Variants in ALG14 observed in about 807,000 individuals in gnomAD.
ALG14 encodes ALG14 UDP-N-acetylglucosaminyltransferase subunit.
Under a neutral mutation model 22.8 loss-of-function variants are expected in ALG14, and 17 were observed. That is an observed-to-expected ratio of 0.75 (90% CI 0.51 to 1.12). ALG14 has a LOEUF of 1.12. Ranked by LOEUF, ALG14 falls within the 50% of genes most tolerant of loss-of-function variation. ALG14 has a pLI of 0.00. For missense variants in ALG14, 288 were observed against 271.8 expected (o/e 1.06, Z -0.42); for synonymous variants, 89 against 103.7 (o/e 0.86, Z 0.86).
Position 94,980,047 on chromosome 1 carries a change from T to C in ALG14, c.*3029A>G, listed in dbSNP as rs144734151. The C allele has an allele frequency of 1.0e-5, 1 of 96,742 alleles. No individual in the cohort carries two copies. The highest frequency in any genetic ancestry group is 4.7e-4 in the East Asian group (1 of 2,146). 6.0% of individuals were successfully genotyped at this position (96,742 alleles called of 1,614,324 possible). ...TTGCTATCAAATGCCTTTTGGGGGATGGGGCTTTTCAGAAAAAAAAAAAAG... is the reference window on the plus strand; with the variant it reads ...TTGCTATCAAATGCCTTTTGGGGGACGGGGCTTTTCAGAAAAAAAAAAAAG... On this transcript the variant is annotated 3_prime_UTR_variant, in exon 4 of 4. Coordinates refer to ENST00000370205, the MANE Select transcript of ALG14 (RefSeq NM_144988.4).
intron 2 of ALG14, among the ~76,000 whole-genome samples, chr1:95,057,659 T>C (rs1051981893): frequency 2.0e-5 from 3 of 149,888 alleles, no homozygotes; most frequent in African/African-American, 7.3e-5. Flanking sequence ...TGTAGATATA[T>C]ACATATGACC....
intron 3 of ALG14, among the ~76,000 whole-genome samples, chr1:95,006,899 T>A (rs1673235106): frequency 6.6e-6 from 1 of 152,270 alleles, no homozygotes; most frequent in Non-Finnish European, 1.5e-5. Context: ...GGTTTCATAT[T>A]TCCTCACCAT....
chr1:95,060,498 C>T (rs191554366), intron 2 of ALG14, among the ~76,000 whole-genome samples: 12 of 151,628 alleles, frequency 7.9e-5, no homozygotes, highest in Admixed American at 4.6e-4. Context: ...GGGCAGATCA[C>T]GAGGTCAGGA....
At chr1:94,991,669 TACACTTAGCCC>T (rs1413829744) in intron 3 of ALG14, among the ~76,000 whole-genome samples, 1 of 152,158 alleles carries the variant, frequency 6.6e-6, no homozygotes, top group Non-Finnish European at 1.5e-5. Context: ...ATGAACACTG[TACACTTAGCCC>T]ACACTAAGTT....
intron 2 of ALG14, among the ~76,000 whole-genome samples, chr1:95,052,850 G>A (rs1161626952): frequency 2.5e-5 from 3 of 121,544 alleles, no homozygotes; most frequent in Non-Finnish European, 3.4e-5. Context: ...GAGCAAGACT[G>A]CATCTCGAAA....
intron 2 of ALG14, among the ~76,000 whole-genome samples, chr1:95,034,214 C>T (rs543374925): frequency 2.0e-5 from 3 of 152,326 alleles, no homozygotes; most frequent in African/African-American, 7.2e-5. Flanking sequence ...CAGTTCTTCT[C>T]CAAATATGTG....
intron 3 of ALG14, among the ~76,000 whole-genome samples, chr1:94,986,120 G>T (rs558729627): frequency 6.6e-6 from 1 of 152,156 alleles, no homozygotes; most frequent in African/African-American, 2.4e-5. Flanking sequence ...TATAATGATT[G>T]GAACTGTCTT....
At chr1:95,068,565 C>T (rs1338179650) in intron 1 of ALG14, among the ~76,000 whole-genome samples, 1 of 152,208 alleles carries the variant, frequency 6.6e-6, no homozygotes, top group Non-Finnish European at 1.5e-5. Flanking sequence ...GCTGGGATTA[C>T]AAGCGTGAGC....
At chr1:95,053,156 TA>T (rs1306041089) in intron 2 of ALG14, among the ~76,000 whole-genome samples, 3 of 152,002 alleles carry the variant, frequency 2.0e-5, no homozygotes, top group Admixed American at 1.3e-4. Context: ...AAAAGACACA[TA>T]AAAAATGCAA....
At chr1:95,040,638 A>T (rs1571640854) in intron 2 of ALG14, among the ~76,000 whole-genome samples, 1 of 152,342 alleles carries the variant, frequency 6.6e-6, no homozygotes, top group African/African-American at 2.4e-5. Context: ...AAAACAGGCC[A>T]TGTCCTGATT....
rs183473380 is a variant in ALG14, at chr1:95,025,185, C to T, written c.420+1944G>A. On this transcript the variant is annotated intron_variant, in intron 3 of 3. Transcript: ENST00000370205. ...ATCAGAGCTCTTGGGTAATTAGGTG[C>T]ATTGTCAATGAGCAGTATATTTTGT... is the stretch of plus-strand genomic sequence containing the variant. 2.2e-4 allele frequency among the ~76,000 whole-genome samples: 34 copies of T among 152,262 alleles called. 1 individual carries two copies. Among genetic ancestry groups the T allele is most frequent in the Middle Eastern group, 3.4e-3 (1 of 294 alleles).
At chr1:95,035,249 A>G (rs577380018) in intron 2 of ALG14, among the ~76,000 whole-genome samples, 10 of 151,960 alleles carry the variant, frequency 6.6e-5, no homozygotes, top group Non-Finnish European at 1.5e-4. Context: ...TTGTAGTTCA[A>G]TGTGTATATC....
At chr1:95,028,051 G>A (rs915267444) in intron 2 of ALG14, among the ~76,000 whole-genome samples, 2 of 152,192 alleles carry the variant, frequency 1.3e-5, no homozygotes, top group African/African-American at 4.8e-5. Context: ...CCCAAGACAC[G>A]TTAAGTGAAT....
At chr1:94,997,912 T>G (rs971961082) in intron 3 of ALG14, among the ~76,000 whole-genome samples, 4 of 152,166 alleles carry the variant, frequency 2.6e-5, no homozygotes, top group African/African-American at 9.7e-5. Flanking sequence ...TGCATTACAG[T>G]CTTCTCTCCT....
At chr1:95,066,300 T>C (rs946889754) in intron 1 of ALG14, among the ~76,000 whole-genome samples, 4 of 150,562 alleles carry the variant, frequency 2.7e-5, no homozygotes, top group African/African-American at 7.4e-5. Flanking sequence ...CTCGGCTCAT[T>C]GCAACCTCCA....
At chr1:95,062,269 C>CA (rs1162405302) in intron 2 of ALG14, 1 of 152,120 alleles carries the variant, frequency 6.6e-6, no homozygotes, top group Non-Finnish European at 1.5e-5. Flanking sequence ...AAAAAATATG[C>CA]AAAAAATTAA....
At chr1:95,000,829 T>TGAAG (rs1673046407) in intron 3 of ALG14, among the ~76,000 whole-genome samples, 1 of 143,780 alleles carries the variant, frequency 7.0e-6, no homozygotes, top group Non-Finnish European at 1.5e-5. Flanking sequence ...ATCACCAAAT[T>TGAAG]GAAGGTTCAG....
At position 94,977,921 on chromosome 1, in the gene ALG14, G is replaced by C. The variant is rs1672426288; in HGVS notation, c.*5155C>G. 6.6e-6 allele frequency: 1 copy of C among 152,178 alleles called. No homozygotes were observed. The highest frequency in any genetic ancestry group is 2.4e-5 in the African/African-American group (1 of 41,420). 9.4% of individuals were successfully genotyped at this position (152,178 alleles called of 1,614,324 possible). On this transcript the variant is annotated 3_prime_UTR_variant, in exon 4 of 4. Coordinates refer to ENST00000370205, the MANE Select transcript of ALG14 (RefSeq NM_144988.4). Reference sequence around the variant, plus strand: ...CCACCTCGGCCTCCCAAAGTGCTGGGATTACAAGTGTGAAACACTGTGCCC... The same window carrying C: ...CCACCTCGGCCTCCCAAAGTGCTGGCATTACAAGTGTGAAACACTGTGCCC...
chr1:95,059,686 A>G (rs1167048521), intron 2 of ALG14, among the ~76,000 whole-genome samples: 1 of 152,006 alleles, frequency 6.6e-6, no homozygotes, highest in Non-Finnish European at 1.5e-5. Context: ...ACTTTCTGCA[A>G]TGATAAAAAT....
Sources: gnomAD v4.1 joint callset for allele counts (sites outside exome capture counted in the v4.1 genomes callset) on GRCh38, gnomAD v4.1.1 for gene constraint, MANE v1.5 for transcripts, NCBI Gene and HGNC (gene_info 2026-07-23, HGNC 2026-07-21) for gene names.